NEK10: variants seen among roughly 807,000 people sequenced by gnomAD.
NEK10 encodes serine/threonine-protein kinase Nek10.
A neutral mutation model predicts 159.8 loss-of-function variants in NEK10; 122 were observed. The ratio of observed to expected loss-of-function variants is 0.76; its 90% CI spans 0.66 to 0.89. NEK10 has a LOEUF of 0.89. Ranked by LOEUF, NEK10 falls within the 40% of genes least tolerant of loss-of-function variation. The pLI is 0.00. For missense variants in NEK10, 1,342 were observed against 1,323.1 expected, an observed-to-expected ratio of 1.01 and a Z score of -0.22; for synonymous variants, 466 against 457.1, an observed-to-expected ratio of 1.02 and a Z score of -0.25.
At chr3:27,364,783 A>G (rs953951444) in intron 1 of NEK10, among the ~76,000 whole-genome samples, 3 of 152,222 alleles carry the variant, frequency 2.0e-5, no homozygotes, top group African/African-American at 7.2e-5. Flanking sequence ...AATGTCAAGG[A>G]ACTTGGCCAA....
intron 22 of NEK10, among the ~76,000 whole-genome samples, chr3:27,266,475 T>C (rs886914956): frequency 6.6e-6 from 1 of 152,214 alleles, no homozygotes; most frequent in Non-Finnish European, 1.5e-5. Context: ...CATATTCATC[T>C]GGATAATCAA....
intron 25 of NEK10, among the ~76,000 whole-genome samples, chr3:27,199,089 A>G (rs1436019121): frequency 1.1e-5 from 1 of 91,188 alleles, no homozygotes; most frequent in Non-Finnish European, 2.7e-5. Context: ...AAAAAAAAAC[A>G]AAAAAAGACA....
chr3:27,303,219 C>T (rs1442845906), intron 12 of NEK10, among the ~76,000 whole-genome samples: 3 of 152,098 alleles, frequency 2.0e-5, no homozygotes, highest in Non-Finnish European at 2.9e-5. Context: ...GAAAATGATA[C>T]TTTAGATGTG....
rs2042995850 is a variant in NEK10, at chr3:27,291,524, C to T, written c.1436G>A (p.Ser479Asn). Residue 479 changes from serine (S) to asparagine (N), a missense_variant, in exon 17 of 36, where the codon AGT (serine) becomes AAT (asparagine). Physicochemically the swap from Ser to Asn is conservative, Grantham distance 46. Coordinates refer to ENST00000691995, the MANE Select transcript of NEK10 (RefSeq NM_001394966.1). ...CTTGGATACCAATTCTTCATAAGCA[C>T]TGATATCACGTACATAATGCCCTAT... is the stretch of plus-strand genomic sequence containing the variant. ...IDIGHYVRDI[S>N]AYEELVSKLN... 6.2e-7 allele frequency: 1 copy of T among 1,611,524 alleles called. No individual in the cohort carries two copies. Among genetic ancestry groups the T allele is most frequent in the Non-Finnish European group, 8.5e-7 (1 of 1,177,748 alleles).
In NEK10 at chr3:27,119,827, G is replaced by T; in HGVS notation, c.3123C>A (p.Phe1041Leu). Residue 1041 changes from phenylalanine (F) to leucine (L), a missense_variant, in exon 33 of 36, where the codon TTC becomes TTA. By Grantham distance (22) the Phe-to-Leu change is conservative. Transcript: ENST00000691995. ...GSPEPIEPNF[F>L]TADYHLLHRS... ...GATGTAATAAATGGTAATCTGCTGT[G>T]AAAAAGTTGGGCTCAATCGGTTCTG... 6.2e-7 allele frequency: 1 copy of T among 1,613,960 alleles called. No homozygotes were observed. The highest frequency in any genetic ancestry group is 1.1e-5 in the South Asian group (1 of 91,090).
At chr3:27,144,101 C>A (rs959669371) in intron 30 of NEK10, among the ~76,000 whole-genome samples, 2 of 152,194 alleles carry the variant, frequency 1.3e-5, no homozygotes, top group African/African-American at 4.8e-5. Flanking sequence ...CTCTTTCTCT[C>A]TTGCACTCTT....
chr3:27,327,752 C>T (rs2046110537), intron 5 of NEK10, among the ~76,000 whole-genome samples: 1 of 152,074 alleles, frequency 6.6e-6, no homozygotes, highest in South Asian at 2.1e-4. Context: ...ATGTCACAGC[C>T]CTTTTCATGT....
intron 22 of NEK10, among the ~76,000 whole-genome samples, chr3:27,257,191 G>A (rs1174185462): frequency 6.6e-6 from 1 of 152,160 alleles, no homozygotes; most frequent in Non-Finnish European, 1.5e-5. Flanking sequence ...TGGGATTACA[G>A]GCGTGAGCCA....
At chr3:27,132,623 C>CA (rs910230906) in intron 31 of NEK10, among the ~76,000 whole-genome samples, 52 of 150,846 alleles carry the variant, frequency 3.4e-4, no homozygotes, top group African/African-American at 1.1e-3. Context: ...AACATGGTAA[C>CA]AAAAAAAATG....
chr3:27,153,282 T>C (rs557996368), intron 30 of NEK10, among the ~76,000 whole-genome samples: 9 of 145,966 alleles, frequency 6.2e-5, no homozygotes, highest in South Asian at 4.3e-4. Context: ...ATCGTGCCAC[T>C]GCACTCCAGC....
In NEK10 at chr3:27,363,229, A is replaced by T. The variant is rs116116475; in HGVS notation, c.-38+5996T>A. Among the ~76,000 whole-genome samples the T allele has an allele frequency of 9.6e-3, 1,462 of 152,116 alleles. 25 individuals are homozygous for T. The highest frequency in any genetic ancestry group is 0.034 in the African/African-American group (1,394 of 41,492). ...ACTGAAGTATCCATTCTTTGAGCTG[A>T]CCTCCTAGACAGGGTCACAACCCTG... On this transcript the variant is annotated intron_variant, in intron 1 of 35. Transcript: ENST00000691995.
intron 11 of NEK10, among the ~76,000 whole-genome samples, chr3:27,306,911 C>T (rs765351781): frequency 6.6e-6 from 1 of 152,122 alleles, no homozygotes; most frequent in African/African-American, 2.4e-5. Context: ...TGTCCAAGCA[C>T]ATACTGTTTT....
chr3:27,178,132 C>G (rs1437280277), intron 26 of NEK10, among the ~76,000 whole-genome samples: 1 of 152,116 alleles, frequency 6.6e-6, no homozygotes, highest in Non-Finnish European at 1.5e-5. Context: ...TTCCTGTCAC[C>G]ACGCTAGTAT....
At chr3:27,283,669 T>C (rs2042364243) in intron 22 of NEK10, among the ~76,000 whole-genome samples, 1 of 152,216 alleles carries the variant, frequency 6.6e-6, no homozygotes, top group South Asian at 2.1e-4. Context: ...TTTTAAGTTA[T>C]GAGTAAGAAT....
intron 32 of NEK10, among the ~76,000 whole-genome samples, chr3:27,126,390 A>G (rs1410646127): frequency 6.6e-6 from 1 of 152,214 alleles, no homozygotes; most frequent in African/African-American, 2.4e-5. Flanking sequence ...TAAGGGAACT[A>G]GACAGAAATG....
chr3:27,270,191 A>ACT (rs776821735), intron 22 of NEK10, among the ~76,000 whole-genome samples: 1 of 152,044 alleles, frequency 6.6e-6, no homozygotes, highest in Non-Finnish European at 1.5e-5. Context: ...TTGCTCACTG[A>ACT]CTCTCTCTCA....
At chr3:27,341,517 T>G (rs1037807836) in intron 5 of NEK10, among the ~76,000 whole-genome samples, 2 of 152,134 alleles carry the variant, frequency 1.3e-5, no homozygotes, top group African/African-American at 4.8e-5. Flanking sequence ...TATAAAAGGA[T>G]TTTTTTAAAG....
chr3:27,243,740 T>C (rs1954782715), intron 23 of NEK10, among the ~76,000 whole-genome samples: 1 of 152,124 alleles, frequency 6.6e-6, no homozygotes, highest in African/African-American at 2.4e-5. Flanking sequence ...GTCCCTGTTC[T>C]ACCCTACTTT....
intron 30 of NEK10, among the ~76,000 whole-genome samples, chr3:27,157,407 G>A (rs1400996023): frequency 6.6e-6 from 1 of 152,116 alleles, no homozygotes; most frequent in Non-Finnish European, 1.5e-5. Context: ...ATGACTTTGA[G>A]GGTTTAAAAC....
Sources: allele counts gnomAD v4.1 joint callset (sites outside exome capture counted in the v4.1 genomes callset), GRCh38; gene constraint gnomAD v4.1.1; transcripts MANE v1.5; gene names NCBI Gene and HGNC (gene_info 2026-07-23, HGNC 2026-07-21).